AUTS2: variants seen among roughly 807,000 people sequenced by gnomAD.
AUTS2 encodes activator of transcription and developmental regulator AUTS2, also known as autism susceptibility gene 2 protein.
Under a neutral mutation model 112.4 loss-of-function variants are expected in AUTS2, and 17 were observed. The ratio of observed to expected loss-of-function variants is 0.15; its 90% CI spans 0.10 to 0.23. AUTS2 has a LOEUF of 0.23. AUTS2 is among the 10% of genes least tolerant of loss of function. The probability of loss-of-function intolerance (pLI) is 1.00; values close to 1 mark genes in which losing one functional copy is unlikely to be tolerated. For synonymous variants in AUTS2, 751 were observed against 702.7 expected (o/e 1.07, Z -1.09); for missense variants, 1,510 against 1,701.6 (o/e 0.89, Z 1.98).
chr7:70,470,589 G>A lies in AUTS2; in HGVS notation c.690+34808G>A, dbSNP rs183072941. Among the ~76,000 whole-genome samples the A allele has an allele frequency of 5.9e-5, 9 of 152,180 alleles. No homozygotes were observed. In the South Asian group the frequency reaches 6.2e-4, roughly 11 times the overall value. On this transcript the variant is annotated intron_variant, in intron 5 of 18. Coordinates refer to ENST00000342771, the MANE Select transcript of AUTS2 (RefSeq NM_015570.4). The stretch of plus-strand genomic sequence containing the variant: ...CGCAGCATCTGGCTCATCCCTGGAC[G>A]TGTATGTAAACTGAGGCTGGATAAG...
At chr7:70,554,345 A>AAGCGTGAG (rs200433766) in intron 5 of AUTS2, among the ~76,000 whole-genome samples, 1,754 of 150,518 alleles carry the variant, frequency 0.012, 31 homozygotes, top group African/African-American at 0.037. Flanking sequence ...CTGGGATTAC[A>AAGCGTGAG]AGCGTGAGCC....
chr7:70,125,575 A>G (rs1407630108), intron 3 of AUTS2, among the ~76,000 whole-genome samples: 1 of 151,904 alleles, frequency 6.6e-6, no homozygotes, highest in Non-Finnish European at 1.5e-5. Context: ...AGCTTTCATG[A>G]TTCTCGCTTT....
intron 12 of AUTS2, chr7:70,774,525 C>G (rs760290297): frequency 1.3e-4 from 22 of 172,066 alleles, no homozygotes; most frequent in Non-Finnish European, 2.5e-4. Flanking sequence ...TGCCTGGGGT[C>G]AGGAAGTTAT....
At chr7:70,675,761 T>G (rs1254943499) in intron 5 of AUTS2, among the ~76,000 whole-genome samples, 1 of 152,192 alleles carries the variant, frequency 6.6e-6, no homozygotes, top group African/African-American at 2.4e-5. Flanking sequence ...TAGCATGGGC[T>G]TCTCACAGAA....
rs184695547 is a variant in AUTS2, at chr7:70,771,025, T to G, written c.1735-524T>G. On this transcript the variant is annotated intron_variant, in intron 10 of 18. Transcript: ENST00000342771. ...AACTGCCACTTCTGCAACAACCTAA[T>G]GAAGCAAGGATTGTGAATATACTCT... 7.3e-5 allele frequency among the ~76,000 whole-genome samples: 11 copies of G among 150,542 alleles called. No individual in the cohort carries two copies. In the East Asian group the frequency reaches 2.1e-3, roughly 28 times the overall value.
At chr7:69,829,322 A>G (rs1380802984) in intron 1 of AUTS2, among the ~76,000 whole-genome samples, 1 of 152,248 alleles carries the variant, frequency 6.6e-6, no homozygotes, top group Non-Finnish European at 1.5e-5. Context: ...CATTCAGGAC[A>G]TAGGCATGGG....
At chr7:70,343,038 G>A (rs941822769) in intron 4 of AUTS2, among the ~76,000 whole-genome samples, 1 of 152,072 alleles carries the variant, frequency 6.6e-6, no homozygotes, top group Non-Finnish European at 1.5e-5. Flanking sequence ...CAAACCTAGG[G>A]CAGTATTGAA....
intron 1 of AUTS2, among the ~76,000 whole-genome samples, chr7:69,868,266 C>T (rs1054832820): frequency 1.2e-4 from 19 of 152,116 alleles, no homozygotes; most frequent in African/African-American, 3.6e-4. Flanking sequence ...TAAGAAGATG[C>T]TCCTGATTTT....
intron 4 of AUTS2, among the ~76,000 whole-genome samples, chr7:70,400,459 G>A (rs1453914298): frequency 6.6e-6 from 1 of 152,144 alleles, no homozygotes; most frequent in East Asian, 1.9e-4. Context: ...GGAGAAGGAA[G>A]GACATTGAAG....
rs1328605193 is a variant in AUTS2 at position 70,698,579 on chromosome 7, C to T, written c.701C>T (p.Ala234Val). 1 of 1,605,602 alleles carries T rather than the reference C, an allele frequency of 6.2e-7. No homozygotes were observed. The highest frequency in any genetic ancestry group is 1.7e-5 in the Admixed American group (1 of 58,846). ...DSDQEEKASDASSEKLFNTVI... is the reference protein window; with the variant it reads ...DSDQEEKASDVSSEKLFNTVI... ...CTTCTTGTTTTTCAGGCATCAGATG[C>T]CAGCTCTGAAAAACTCTTCAACACT... Residue 234 changes from alanine to valine, a missense_variant, in exon 6 of 19, where the codon GCC becomes GTC. Physicochemically the swap from Ala to Val is moderately conservative, Grantham distance 64 (BLOSUM62 0). Coordinates refer to ENST00000342771, the MANE Select transcript of AUTS2 (RefSeq NM_015570.4).
chr7:70,765,471 A>G lies in AUTS2; in HGVS notation c.1468+466A>G, dbSNP rs373781877. Among the ~76,000 whole-genome samples, 3 of 152,090 alleles carry G rather than the reference A, an allele frequency of 2.0e-5. No individual in the cohort carries two copies. The East Asian group carries it at 5.8e-4, about 29-fold the overall frequency. ...AGGAGATGACACACTCTTTGTGACA[A>G]TATATCCCAGAATTTTAAGGGCAGA... On this transcript the variant is annotated intron_variant, in intron 8 of 18. Transcript: ENST00000342771.
intron 5 of AUTS2, among the ~76,000 whole-genome samples, chr7:70,565,440 A>G (rs928551530): frequency 2.0e-5 from 3 of 152,180 alleles, no homozygotes; most frequent in Non-Finnish European, 4.4e-5. Context: ...ATACTTTGGG[A>G]GGCCAAGGTG....
chr7:70,502,862 A>AGGAG (rs1377707653), intron 5 of AUTS2, among the ~76,000 whole-genome samples: 9 of 152,182 alleles, frequency 5.9e-5, no homozygotes, highest in Non-Finnish European at 7.4e-5. Context: ...GCCAAAGAAG[A>AGGAG]TGTGATCTTC....
intron 1 of AUTS2, among the ~76,000 whole-genome samples, chr7:69,895,256 A>G (rs1257286083): frequency 6.6e-6 from 1 of 152,200 alleles, no homozygotes; most frequent in Non-Finnish European, 1.5e-5. Context: ...TTTCTCCAAG[A>G]CAGTCTGAAA....
At chr7:70,420,654 A>G (rs980726503) in intron 4 of AUTS2, among the ~76,000 whole-genome samples, 1 of 152,204 alleles carries the variant, frequency 6.6e-6, no homozygotes, top group African/African-American at 2.4e-5. Flanking sequence ...TTGGTTGTCA[A>G]AATAGTAAGC....
chr7:70,404,919 CG>C lies in AUTS2; in HGVS notation c.661-30829del, dbSNP rs144017968. ...GGAGGGCATTGGCATCGTTAGAAAC[CG>C]GGGCAAAAGTTCCTGCTGCAATATA... On this transcript the variant is annotated intron_variant, in intron 4 of 18. Transcript: ENST00000342771. Among the ~76,000 whole-genome samples the C allele has an allele frequency of 0.015, 2,353 of 152,156 alleles. 181 individuals carry two copies. In the East Asian group the frequency reaches 0.25, roughly 16 times the overall value.
intron 4 of AUTS2, among the ~76,000 whole-genome samples, chr7:70,241,022 G>T (rs1812583594): frequency 6.6e-6 from 1 of 152,178 alleles, no homozygotes; most frequent in Non-Finnish European, 1.5e-5. Context: ...AAGTGCTGGA[G>T]AATCCATGAA....
intron 2 of AUTS2, among the ~76,000 whole-genome samples, chr7:69,900,498 C>G (rs1794925397): frequency 6.6e-6 from 1 of 152,224 alleles, no homozygotes; most frequent in African/African-American, 2.4e-5. Context: ...ATGAGAGCTA[C>G]TAAACCTAAA....
At chr7:70,084,322 T>C (rs1183561440) in intron 2 of AUTS2, among the ~76,000 whole-genome samples, 1 of 152,222 alleles carries the variant, frequency 6.6e-6, no homozygotes, top group Admixed American at 6.5e-5. Context: ...TTGGACTGTT[T>C]TCAGTTTTTG....
Sources: allele counts gnomAD v4.1 joint callset (sites outside exome capture counted in the v4.1 genomes callset), GRCh38; gene constraint gnomAD v4.1.1; transcripts MANE v1.5; gene names NCBI Gene and HGNC (gene_info 2026-07-23, HGNC 2026-07-21).